SGCD: variants seen among roughly 807,000 people sequenced by gnomAD.
SGCD encodes the protein delta-sarcoglycan.
SGCD carries 18 observed loss-of-function variants against 36.6 expected under a neutral mutation model. The observed-to-expected ratio is 0.49, with a 90% CI of 0.34 to 0.73. The LOEUF is 0.73. Among genes scored for constraint, SGCD ranks in the 30% least tolerant of loss-of-function variants. The pLI is 0.01. For missense variants in SGCD, 387 were observed against 346.7 expected, an observed-to-expected ratio of 1.12 and a Z score of -0.92; for synonymous variants, 133 against 130.6, an observed-to-expected ratio of 1.02 and a Z score of -0.12.
At chr5:156,297,245 C>A (rs1766921090) in intron 3 of SGCD, among the ~76,000 whole-genome samples, 1 of 152,082 alleles carries the variant, frequency 6.6e-6, no homozygotes, top group African/African-American at 2.4e-5. Context: ...CCTCAGGGAT[C>A]TAGAACTGGA....
chr5:156,315,293 G>T (rs905634113), intron 3 of SGCD, among the ~76,000 whole-genome samples: 56 of 150,126 alleles, frequency 3.7e-4, no homozygotes, highest in African/African-American at 1.4e-3. Context: ...CCACATATAA[G>T]TAGAATCATG....
chr5:156,302,418 G>A lies in SGCD; in HGVS notation c.-43-27116G>A, dbSNP rs7730243. 8.9e-3 allele frequency among the ~76,000 whole-genome samples: 1,345 copies of A among 151,972 alleles called. 17 individuals carry two copies. The highest frequency in any genetic ancestry group is 0.03 in the African/African-American group (1,235 of 41,476). The stretch of plus-strand genomic sequence containing the variant: ...TCTGCTGGGACTCTGAATTTCTTCT[G>A]TGTTTTATCTTGAATTACTTTGAGT... On this transcript the variant is annotated intron_variant, in intron 3 of 9. Transcript: ENST00000517913.
intron 7 of SGCD, among the ~76,000 whole-genome samples, chr5:156,736,594 A>T (rs1373039655): frequency 6.6e-6 from 1 of 152,102 alleles, no homozygotes; most frequent in Non-Finnish European, 1.5e-5. Context: ...AAGTTTTAAG[A>T]AGGCTACTTT....
At chr5:156,576,102 G>T (rs962253221) in intron 4 of SGCD, among the ~76,000 whole-genome samples, 1 of 151,932 alleles carries the variant, frequency 6.6e-6, no homozygotes, top group African/African-American at 2.4e-5. Flanking sequence ...AGACCCCGGG[G>T]TGTGATGTTC....
intron 4 of SGCD, among the ~76,000 whole-genome samples, chr5:156,532,358 C>T (rs966587431): frequency 6.6e-6 from 1 of 152,184 alleles, no homozygotes; most frequent in Non-Finnish European, 1.5e-5. Context: ...ATTGTGATTG[C>T]TCATAAATGT....
intron 3 of SGCD, among the ~76,000 whole-genome samples, chr5:156,198,061 T>C (rs1764062209): frequency 1.3e-5 from 2 of 152,132 alleles, no homozygotes. Context: ...CCTTTGTAAA[T>C]ATAGTGCGAA....
At chr5:156,213,517 A>G (rs1488448667) in intron 3 of SGCD, among the ~76,000 whole-genome samples, 1 of 152,074 alleles carries the variant, frequency 6.6e-6, no homozygotes, top group Non-Finnish European at 1.5e-5. Context: ...TGATAGCTTC[A>G]CTGCTGAATT....
At chr5:155,772,205 C>G in the SGCD span, among the ~76,000 whole-genome samples, 1 of 152,154 alleles carries the variant, frequency 6.6e-6, no homozygotes, top group African/African-American at 2.4e-5. Context: ...GAGCAATTCA[C>G]TCTCACATAT....
intron 3 of SGCD, among the ~76,000 whole-genome samples, chr5:156,391,108 C>T (rs1042307030): frequency 2.0e-5 from 3 of 152,190 alleles, no homozygotes; most frequent in Non-Finnish European, 4.4e-5. Flanking sequence ...GTGCCCTATA[C>T]AGGTGAAACT....
chr5:156,610,658 G>T (rs189091632), intron 6 of SGCD, among the ~76,000 whole-genome samples: 263 of 152,362 alleles, frequency 1.7e-3, no homozygotes, highest in African/African-American at 6.3e-3. Flanking sequence ...TGCAGAGGCA[G>T]GCAGGTCTCC....
At chr5:155,878,940 G>C in intron 1 of SGCD, among the ~76,000 whole-genome samples, 1 of 151,962 alleles carries the variant, frequency 6.6e-6, no homozygotes, top group East Asian at 1.9e-4. Context: ...GTTTGTTAGC[G>C]TCTGCTAACA....
intron 1 of SGCD, among the ~76,000 whole-genome samples, chr5:156,003,222 G>T (rs1192509621): frequency 6.6e-6 from 1 of 152,182 alleles, no homozygotes. Context: ...ACAATTAGTT[G>T]TTTACTTTCT....
At chr5:156,436,019 C>A (rs1205796435) in intron 3 of SGCD, among the ~76,000 whole-genome samples, 1 of 152,164 alleles carries the variant, frequency 6.6e-6, no homozygotes, top group Non-Finnish European at 1.5e-5. Context: ...GTGTGGACCC[C>A]ACCTGTGTGC....
intron 7 of SGCD, among the ~76,000 whole-genome samples, chr5:156,695,499 AGATAGATAGATG>A (rs1485765640): frequency 1.8e-3 from 188 of 103,772 alleles, no homozygotes; most frequent in Middle Eastern, 4.5e-3. Context: ...ATAGATAGAT[AGATAGATAGATG>A]GATAGATAGA....
At chr5:156,415,972 T>A (rs1773008198) in intron 3 of SGCD, among the ~76,000 whole-genome samples, 3 of 152,176 alleles carry the variant, frequency 2.0e-5, no homozygotes, top group Admixed American at 2.0e-4. Context: ...TTCATCAAAT[T>A]GCTGAAACAT....
At chr5:156,601,934 G>A (rs1201849633) in intron 6 of SGCD, among the ~76,000 whole-genome samples, 1 of 152,160 alleles carries the variant, frequency 6.6e-6, no homozygotes, top group Non-Finnish European at 1.5e-5. Flanking sequence ...GCCTGCCTTG[G>A]CCTCCCAAAG....
chr5:156,125,873 T>TTAC (rs1762158901), intron 3 of SGCD, among the ~76,000 whole-genome samples: 1 of 146,414 alleles, frequency 6.8e-6, no homozygotes, highest in African/African-American at 2.5e-5. Context: ...ATTATTATTA[T>TTAC]TATTATTATT....
At chr5:155,953,800 C>A (rs1757590480) in intron 1 of SGCD, among the ~76,000 whole-genome samples, 1 of 152,172 alleles carries the variant, frequency 6.6e-6, no homozygotes, top group African/African-American at 2.4e-5. Context: ...CCAACAAATT[C>A]ATTTTCTTCG....
intron 3 of SGCD, among the ~76,000 whole-genome samples, chr5:156,415,109 AT>A: frequency 1.3e-5 from 2 of 152,314 alleles, no homozygotes; most frequent in South Asian, 4.1e-4. Flanking sequence ...GAATGGAATA[AT>A]ATCTAGATAT....
Sources: gnomAD v4.1 joint callset for allele counts (sites outside exome capture counted in the v4.1 genomes callset) on GRCh38, gnomAD v4.1.1 for gene constraint, MANE v1.5 for transcripts, NCBI Gene and HGNC (gene_info 2026-07-23, HGNC 2026-07-21) for gene names.